The following PPP2R3A variants were observed in gnomAD, a reference collection of about 807,000 sequenced individuals.
PPP2R3A encodes the protein serine/threonine-protein phosphatase 2A regulatory subunit B'' subunit alpha.
PPP2R3A carries 80 observed loss-of-function variants against 106.9 expected under a neutral mutation model. That is an observed-to-expected ratio of 0.75 (90% CI 0.62 to 0.90). PPP2R3A has a LOEUF of 0.90. Among genes scored for constraint, PPP2R3A ranks in the 40% least tolerant of loss-of-function variants. The probability of loss-of-function intolerance (pLI) is 0.00; values close to 1 mark genes in which losing one functional copy is unlikely to be tolerated. For synonymous variants in PPP2R3A, 483 were observed against 468.3 expected (o/e 1.03, Z -0.41); for missense variants, 1,386 against 1,350.4 (o/e 1.03, Z -0.41).
At chr3:136,060,816 C>G (rs975067095) in intron 5 of PPP2R3A, among the ~76,000 whole-genome samples, 1 of 152,102 alleles carries the variant, frequency 6.6e-6, no homozygotes, top group Non-Finnish European at 1.5e-5. Context: ...TTCAAGAGAT[C>G]TATCATACAA....
chr3:136,075,731 T>G (rs1032817989), intron 6 of PPP2R3A, among the ~76,000 whole-genome samples: 5 of 152,124 alleles, frequency 3.3e-5, no homozygotes, highest in Non-Finnish European at 5.9e-5. Flanking sequence ...TAAATATAAA[T>G]TTTAGATAGA....
At position 136,147,558 on chromosome 3, in the gene PPP2R3A, A is replaced by C. The variant is rs1050223876; in HGVS notation, c.*2392A>C. On this transcript the variant is annotated 3_prime_UTR_variant, in exon 14 of 14. Transcript: ENST00000264977. ...GAATATATTTGACTTTCTGGTAAAG[A>C]TCATGGTTAAGTATAATCATTACTG... 5 of 152,630 alleles carry C rather than the reference A, an allele frequency of 3.3e-5. No homozygotes were observed. Among genetic ancestry groups the C allele is most frequent in the African/African-American group, 1.2e-4 (5 of 41,444 alleles). The allele number at this position is 152,630 out of a possible 1,614,324, so 9.5% of individuals were successfully genotyped here.
At chr3:135,984,814 T>A (rs6770366) in intron 1 of PPP2R3A, among the ~76,000 whole-genome samples, 97,816 of 152,124 alleles carry the variant, frequency 0.64, 33,447 homozygotes, top group African/African-American at 0.88. Flanking sequence ...AAAGAGGTTT[T>A]ATTGGACTTA....
At chr3:136,127,117 G>T (rs1192049082) in intron 13 of PPP2R3A, among the ~76,000 whole-genome samples, 1 of 152,146 alleles carries the variant, frequency 6.6e-6, no homozygotes, top group Non-Finnish European at 1.5e-5. Flanking sequence ...TCCTCCAAAG[G>T]ATCACAGCTT....
intron 12 of PPP2R3A, among the ~76,000 whole-genome samples, chr3:136,104,988 C>A (rs1937479628): frequency 6.6e-6 from 1 of 152,058 alleles, no homozygotes; most frequent in African/African-American, 2.4e-5. Context: ...TTGTTCTGAT[C>A]TACAAAGAAC....
chr3:136,055,468 G>A (rs975525274), intron 5 of PPP2R3A: 6 of 1,131,908 alleles, frequency 5.3e-6, no homozygotes, highest in Middle Eastern at 1.9e-4. Context: ...TGAAGACACA[G>A]CTCTTTCTGG....
At chr3:136,057,851 A>G (rs1489167104) in intron 5 of PPP2R3A, among the ~76,000 whole-genome samples, 3 of 152,178 alleles carry the variant, frequency 2.0e-5, no homozygotes, top group African/African-American at 4.8e-5. Context: ...TGATGGTGAG[A>G]ATGTAAATTA....
chr3:136,089,113 T>G (rs1252508351), intron 9 of PPP2R3A, among the ~76,000 whole-genome samples: 1 of 152,204 alleles, frequency 6.6e-6, no homozygotes, highest in African/African-American at 2.4e-5. Flanking sequence ...AATTTTTGGT[T>G]GTGTTGCAGT....
At chr3:136,028,789 G>A (rs1934755847) in intron 3 of PPP2R3A, among the ~76,000 whole-genome samples, 1 of 152,216 alleles carries the variant, frequency 6.6e-6, no homozygotes, top group Non-Finnish European at 1.5e-5. Flanking sequence ...GCATTTGGAG[G>A]TAATATGGTA....
At chr3:136,078,563 A>G in intron 7 of PPP2R3A, 110 bp downstream of exon 7, 1 of 705,418 alleles carries the variant, frequency 1.4e-6, no homozygotes, top group Non-Finnish European at 2.4e-6. Context: ...CACTACTTTC[A>G]GTCATTAAGC....
At chr3:136,118,972 A>G (rs1937887368) in intron 13 of PPP2R3A, among the ~76,000 whole-genome samples, 1 of 152,180 alleles carries the variant, frequency 6.6e-6, no homozygotes, top group Non-Finnish European at 1.5e-5. Flanking sequence ...TTCAAACTAT[A>G]CTACAAGGCT....
chr3:136,118,553 A>G (rs1937869191), intron 13 of PPP2R3A, among the ~76,000 whole-genome samples: 1 of 152,258 alleles, frequency 6.6e-6, no homozygotes, highest in Non-Finnish European at 1.5e-5. Context: ...ATCAGTGTGC[A>G]GAAATCACAA....
At chr3:136,086,704 G>A (rs1359578195) in intron 8 of PPP2R3A, among the ~76,000 whole-genome samples, 1 of 151,928 alleles carries the variant, frequency 6.6e-6, no homozygotes, top group African/African-American at 2.4e-5. Flanking sequence ...AAATATAGAA[G>A]GTCTTTATAT....
chr3:136,010,448 A>G (rs1170330747), intron 2 of PPP2R3A, among the ~76,000 whole-genome samples: 2 of 68,310 alleles, frequency 2.9e-5, no homozygotes, highest in African/African-American at 7.1e-5. Flanking sequence ...TTTTTTTGAG[A>G]CGGAGTCTCG....
chr3:136,113,454 C>T (rs1038206038), intron 13 of PPP2R3A, among the ~76,000 whole-genome samples: 1 of 152,140 alleles, frequency 6.6e-6, no homozygotes, highest in African/African-American at 2.4e-5. Flanking sequence ...TGGACCCCTT[C>T]CTTTCACCAT....
intron 6 of PPP2R3A, among the ~76,000 whole-genome samples, chr3:136,071,258 C>T (rs571088078): frequency 3.3e-5 from 5 of 152,328 alleles, no homozygotes; most frequent in East Asian, 1.9e-4. Context: ...TAAACAGGGC[C>T]GTCTCCTCTG....
At chr3:136,024,970 A>G (rs1256463790) in intron 2 of PPP2R3A, among the ~76,000 whole-genome samples, 7 of 152,172 alleles carry the variant, frequency 4.6e-5, no homozygotes, top group African/African-American at 1.2e-4. Context: ...TGGATTGTCA[A>G]TTTGTTAACT....
chr3:136,076,909 T>G (rs527629860), intron 6 of PPP2R3A, among the ~76,000 whole-genome samples: 2 of 149,272 alleles, frequency 1.3e-5, no homozygotes, highest in South Asian at 4.2e-4. Flanking sequence ...ATTGTGCCAC[T>G]GCACTCCAGC....
intron 1 of PPP2R3A, among the ~76,000 whole-genome samples, chr3:135,985,578 G>A (rs1433583451): frequency 6.6e-6 from 1 of 152,162 alleles, no homozygotes; most frequent in Non-Finnish European, 1.5e-5. Context: ...TACACCTAAT[G>A]TATAACCGTT....
Sources: gnomAD v4.1 joint callset for allele counts (sites outside exome capture counted in the v4.1 genomes callset) on GRCh38, gnomAD v4.1.1 for gene constraint, MANE v1.5 for transcripts, NCBI Gene and HGNC (gene_info 2026-07-23, HGNC 2026-07-21) for gene names.